MAP2K5: variants seen among roughly 807,000 people sequenced by gnomAD.
MAP2K5 encodes the protein dual specificity mitogen-activated protein kinase kinase 5.
Under a neutral mutation model 83.1 loss-of-function variants are expected in MAP2K5, and 49 were observed. The observed-to-expected ratio is 0.59, with a 90% CI of 0.47 to 0.75. The LOEUF is 0.75. Among genes scored for constraint, MAP2K5 ranks in the 30% least tolerant of loss-of-function variants. The probability of loss-of-function intolerance (pLI) is 0.00; values close to 1 mark genes in which losing one functional copy is unlikely to be tolerated. For missense variants in MAP2K5, 457 were observed against 557.5 expected, an observed-to-expected ratio of 0.82 and a Z score of 1.82; for synonymous variants, 202 against 191.8, an observed-to-expected ratio of 1.05 and a Z score of -0.44.
chr15:67,759,061 C>T (rs1001711693), intron 19 of MAP2K5, among the ~76,000 whole-genome samples: 3 of 152,126 alleles, frequency 2.0e-5, no homozygotes, highest in Non-Finnish European at 4.4e-5. Flanking sequence ...CATGGAGGAG[C>T]GCGAATCCTT....
At chr15:67,729,923 C>T (rs2089183809) in intron 17 of MAP2K5, among the ~76,000 whole-genome samples, 1 of 152,194 alleles carries the variant, frequency 6.6e-6, no homozygotes, top group Non-Finnish European at 1.5e-5. Flanking sequence ...TTGGAAAATT[C>T]TAATACTATG....
chr15:67,734,263 C>G (rs2089290506), intron 17 of MAP2K5, among the ~76,000 whole-genome samples: 1 of 152,148 alleles, frequency 6.6e-6, no homozygotes, highest in South Asian at 2.1e-4. Context: ...TATATGCAAT[C>G]CATATTATTG....
chr15:67,712,866 TGA>T (rs1269533243), intron 16 of MAP2K5, among the ~76,000 whole-genome samples: 1 of 151,150 alleles, frequency 6.6e-6, no homozygotes, highest in Non-Finnish European at 1.5e-5. Context: ...TGCAGTGAGC[TGA>T]GATCATGCCA....
intron 1 of MAP2K5, chr15:67,548,927 G>T: frequency 3.9e-6 from 3 of 767,750 alleles, no homozygotes; most frequent in Non-Finnish European, 5.5e-6. Flanking sequence ...AAAAAAAAAA[G>T]CACTATAGAG....
intron 14 of MAP2K5, 63 bp downstream of exon 14, chr15:67,692,615 T>A: frequency 2.3e-6 from 3 of 1,304,580 alleles, no homozygotes; most frequent in Non-Finnish European, 3.3e-6. Flanking sequence ...ATTTTCATTC[T>A]GTTCTCTGGA....
chr15:67,612,888 G>T (rs1242816227), intron 8 of MAP2K5, among the ~76,000 whole-genome samples: 1 of 152,124 alleles, frequency 6.6e-6, no homozygotes, highest in Non-Finnish European at 1.5e-5. Context: ...TGTTCAAATT[G>T]ATTTCAGCAT....
intron 8 of MAP2K5, among the ~76,000 whole-genome samples, chr15:67,612,938 A>G (rs990655024): frequency 5.9e-5 from 9 of 152,298 alleles, no homozygotes; most frequent in Middle Eastern, 6.8e-3. Context: ...CTTGTTAGTT[A>G]AAGTAATTTT....
chr15:67,693,920 GTT>G (rs757816048), intron 15 of MAP2K5, among the ~76,000 whole-genome samples: 1 of 142,870 alleles, frequency 7.0e-6, no homozygotes, highest in African/African-American at 2.6e-5. Context: ...CAATAAAATT[GTT>G]TTTTTTTTTT....
intron 21 of MAP2K5, among the ~76,000 whole-genome samples, chr15:67,800,066 G>A (rs940769724): frequency 6.6e-6 from 1 of 152,172 alleles, no homozygotes; most frequent in Non-Finnish European, 1.5e-5. Flanking sequence ...GGAAGGAAGA[G>A]TTGGCCCCAG....
At chr15:67,727,998 GA>G in intron 17 of MAP2K5, 53 bp downstream of exon 17, 1 of 1,444,362 alleles carries the variant, frequency 6.9e-7, no homozygotes, top group Non-Finnish European at 9.8e-7. Flanking sequence ...TCCTATGTAT[GA>G]AGGTGCAGGG....
intron 12 of MAP2K5, among the ~76,000 whole-genome samples, chr15:67,663,639 G>T (rs774314520): frequency 6.6e-6 from 1 of 152,102 alleles, no homozygotes; most frequent in Non-Finnish European, 1.5e-5. Flanking sequence ...TTGGGAGGCC[G>T]AGGCAGGAGG....
At chr15:67,558,322 C>T (rs950506133) in intron 2 of MAP2K5, among the ~76,000 whole-genome samples, 6 of 152,128 alleles carry the variant, frequency 3.9e-5, no homozygotes, top group African/African-American at 1.2e-4. Context: ...ATCAGCAAGT[C>T]CTGTTGGCTC....
chr15:67,674,635 G>A (rs928029349), intron 13 of MAP2K5, among the ~76,000 whole-genome samples: 1 of 152,082 alleles, frequency 6.6e-6, no homozygotes, highest in African/African-American at 2.4e-5. Context: ...TGATCACAGG[G>A]TATTTCTGTA....
intron 19 of MAP2K5, among the ~76,000 whole-genome samples, chr15:67,763,173 C>T (rs1288781394): frequency 6.6e-6 from 1 of 152,052 alleles, no homozygotes; most frequent in African/African-American, 2.4e-5. Flanking sequence ...TTCAAAGCCT[C>T]GCTTTCACCC....
At position 67,563,314 on chromosome 15, in the gene MAP2K5, G is replaced by A. The variant is rs1219040425; in HGVS notation, c.216G>A (p.Val72=). 17 of 1,610,420 alleles carry A rather than the reference G, an allele frequency of 1.1e-5. No individual in the cohort carries two copies. The highest frequency in any genetic ancestry group is 1.4e-5 in the Non-Finnish European group (17 of 1,177,978). The change falls in exon 3 of 22, where the codon GTG becomes GTA. Residue 72 remains valine, a synonymous_variant. Coordinates refer to ENST00000178640, the MANE Select transcript of MAP2K5 (RefSeq NM_145160.3). The surrounding 1 kb of genome is among the most constrained non-coding windows in gnomAD (Gnocchi z 4.5). The part of the protein sequence containing the change: ...YEDEDGDRIT[V]RSDEEMKAML... ...ATGAAGATGGTGATCGAATTACAGT[G>A]AGAAGTGATGAGGAAATGAAGGCAA... is the stretch of plus-strand genomic sequence containing the variant.
rs149902198 is a variant in MAP2K5 at position 67,769,853 on chromosome 15, G to GTAATAAGCATACT, written c.1196+191_1196+192insAATAAGCATACTT. On this transcript the variant is annotated intron_variant, in intron 20 of 21. Transcript: ENST00000178640. The surrounding 1 kb of genome is among the most constrained non-coding windows in gnomAD (Gnocchi z 5.2). ...TATGTAAACGTTATTTACACAAAGG[G>GTAATAAGCATACT]TCATAAGCATACTTCAGAGCCTTTT... 7,118 of 547,306 alleles carry GTAATAAGCATACT rather than the reference G, an allele frequency of 0.013. 416 individuals are homozygous for GTAATAAGCATACT. Among genetic ancestry groups the GTAATAAGCATACT allele is most frequent in the African/African-American group, 0.12 (6,457 of 52,234 alleles). The allele number at this position is 547,306 out of a possible 1,614,324, so 33.9% of individuals were successfully genotyped here.
rs930808661 is a variant in MAP2K5, at chr15:67,577,999, C to CA, written c.253-2746dup. ...TGGGTGACAGAGCAAGACTCTGTCTCAAAAAAAAAGAAAACCCCAATTTGT... is the reference window on the plus strand; with the variant it reads ...TGGGTGACAGAGCAAGACTCTGTCTCAAAAAAAAAAGAAAACCCCAATTTGT... On this transcript the variant is annotated intron_variant, in intron 3 of 21. Transcript: ENST00000178640. The surrounding 1 kb of genome is among the most constrained non-coding windows in gnomAD (Gnocchi z 4.1). Among the ~76,000 whole-genome samples the CA allele has an allele frequency of 1.5e-4, 23 of 150,528 alleles. No homozygotes were observed. In the East Asian group the frequency reaches 2.3e-3, roughly 15 times the overall value.
At chr15:67,803,437 T>C (rs1397219767) in intron 21 of MAP2K5, among the ~76,000 whole-genome samples, 1 of 152,186 alleles carries the variant, frequency 6.6e-6, no homozygotes, top group Non-Finnish European at 1.5e-5. Context: ...AATGCCTGCA[T>C]TGTGCATGTC....
rs1185592834 is a variant in MAP2K5, at chr15:67,794,499, T to C, written c.1243-12147T>C. ...GAGAATAATTGGTAATTTTCAATCC[T>C]GTAGAAAACTAGACTAGGTCTGATG... is the stretch of plus-strand genomic sequence containing the variant. On this transcript the variant is annotated intron_variant, in intron 21 of 21. Transcript: ENST00000178640. The surrounding 1 kb of genome is among the most constrained non-coding windows in gnomAD (Gnocchi z 4.6). 6.6e-6 allele frequency among the ~76,000 whole-genome samples: 1 copy of C among 152,180 alleles called. No homozygotes were observed. Among genetic ancestry groups the C allele is most frequent in the Non-Finnish European group, 1.5e-5 (1 of 68,030 alleles).
Sources: allele counts gnomAD v4.1 joint callset (sites outside exome capture counted in the v4.1 genomes callset), GRCh38; gene constraint gnomAD v4.1.1; non-coding constraint Gnocchi (gnomAD v3.1); transcripts MANE v1.5; gene names NCBI Gene and HGNC (gene_info 2026-07-23, HGNC 2026-07-21).